The following SCN8A variants were observed in gnomAD, a reference collection of about 807,000 sequenced individuals.
The protein encoded by SCN8A is sodium channel protein type 8 subunit alpha.
A neutral mutation model predicts 184.1 loss-of-function variants in SCN8A; 30 were observed. The observed-to-expected ratio is 0.16, with a 90% CI of 0.12 to 0.22. The LOEUF (loss-of-function observed/expected upper bound fraction) is 0.22, where lower values mean the gene tolerates loss of function less well. Among genes scored for constraint, SCN8A ranks in the 10% least tolerant of loss-of-function variants. The pLI is 1.00. For synonymous variants in SCN8A, 852 were observed against 907.0 expected (o/e 0.94, Z 1.09); for missense variants, 1,057 against 2,498.9 (o/e 0.42, Z 12.30).
In SCN8A at chr12:51,807,248, C is replaced by A; in HGVS notation, c.5762C>A (p.Thr1921Asn). 1 of 1,613,956 alleles carries A rather than the reference C, an allele frequency of 6.2e-7. No homozygotes were observed. Among genetic ancestry groups the A allele is most frequent in the Non-Finnish European group, 8.5e-7 (1 of 1,179,896 alleles). Residue 1921 changes from threonine to asparagine, a missense_variant, in exon 27 of 27, where the codon ACT (threonine) becomes AAT (asparagine). Coordinates refer to ENST00000627620, the MANE Select transcript of SCN8A (RefSeq NM_001330260.2). The surrounding 1 kb of genome is among the most constrained non-coding windows in gnomAD (Gnocchi z 4.5). ...ARRGFICKKT[T>N]SNKLENGGTH... ...CGGGGCTTCATCTGCAAAAAGACAA[C>A]TTCTAATAAGCTGGAGAATGGAGGC...
At chr12:51,634,383 C>T (rs1365504950) in intron 1 of SCN8A, among the ~76,000 whole-genome samples, 2 of 152,018 alleles carry the variant, frequency 1.3e-5, no homozygotes, top group Non-Finnish European at 2.9e-5. Flanking sequence ...TATACAGGGG[C>T]GTCCATTGTG....
intron 6 of SCN8A, among the ~76,000 whole-genome samples, chr12:51,691,768 ATC>A (rs1418107882): frequency 2.0e-5 from 3 of 152,290 alleles, no homozygotes; most frequent in African/African-American, 7.2e-5. Context: ...CTCAGTCTCA[ATC>A]TTTTTGCTCC....
chr12:51,748,466 G>A (rs1427315686), intron 13 of SCN8A, among the ~76,000 whole-genome samples: 1 of 152,074 alleles, frequency 6.6e-6, no homozygotes, highest in East Asian at 1.9e-4. Flanking sequence ...TAAGCTTTGG[G>A]GATATTTCAG....
chr12:51,604,513 A>G (rs1490345233), intron 1 of SCN8A, among the ~76,000 whole-genome samples: 1 of 150,846 alleles, frequency 6.6e-6, no homozygotes, highest in Non-Finnish European at 1.5e-5. Flanking sequence ...TGTTTTTTTA[A>G]CGGGTTTTTG....
chr12:51,606,167 G>T (rs1010476397), intron 1 of SCN8A, among the ~76,000 whole-genome samples: 1 of 152,118 alleles, frequency 6.6e-6, no homozygotes, highest in Non-Finnish European at 1.5e-5. Flanking sequence ...CCTTGCCTAA[G>T]CCAATGTCTA....
chr12:51,804,994 G>A (rs953601463), intron 26 of SCN8A, among the ~76,000 whole-genome samples: 1 of 152,156 alleles, frequency 6.6e-6, no homozygotes, highest in Non-Finnish European at 1.5e-5. Context: ...GGATAATGAG[G>A]TTATGAGGTG....
intron 1 of SCN8A, among the ~76,000 whole-genome samples, chr12:51,645,283 A>G (rs1940552924): frequency 6.9e-6 from 1 of 145,244 alleles, no homozygotes; most frequent in Admixed American, 6.8e-5. Context: ...CCTACTGGGA[A>G]GTGAGGAGCC....
chr12:51,708,906 A>G (rs1941826948), intron 11 of SCN8A, among the ~76,000 whole-genome samples: 1 of 152,190 alleles, frequency 6.6e-6, no homozygotes, highest in Non-Finnish European at 1.5e-5. Flanking sequence ...AGGTGATTAA[A>G]ACATCATCCC....
intron 1 of SCN8A, among the ~76,000 whole-genome samples, chr12:51,616,518 A>C (rs558756708): frequency 6.6e-6 from 1 of 151,730 alleles, no homozygotes; most frequent in East Asian, 1.9e-4. Flanking sequence ...AGGTTGAGGC[A>C]GGAGAATCAT....
intron 2 of SCN8A, among the ~76,000 whole-genome samples, chr12:51,663,822 T>G (rs1355052939): frequency 1.3e-5 from 2 of 150,576 alleles, no homozygotes; most frequent in Non-Finnish European, 3.0e-5. Context: ...AAACAAAGCC[T>G]CCTGGGTGAT....
chr12:51,737,454 T>G (rs569251865), intron 12 of SCN8A, among the ~76,000 whole-genome samples: 24 of 152,336 alleles, frequency 1.6e-4, no homozygotes, highest in African/African-American at 5.1e-4. Flanking sequence ...CTAGTGAGAC[T>G]AGGATTTCCT....
intron 12 of SCN8A, among the ~76,000 whole-genome samples, chr12:51,725,129 C>T (rs1241424327): frequency 6.6e-6 from 1 of 152,180 alleles, no homozygotes; most frequent in African/African-American, 2.4e-5. Flanking sequence ...AAGACCATAT[C>T]ATTCCCAAGG....
At chr12:51,731,193 A>G (rs1190026686) in intron 12 of SCN8A, among the ~76,000 whole-genome samples, 6 of 152,156 alleles carry the variant, frequency 3.9e-5, no homozygotes, top group Non-Finnish European at 8.8e-5. Context: ...CACATAGTGC[A>G]GATAGTGCAG....
intron 1 of SCN8A, among the ~76,000 whole-genome samples, chr12:51,595,218 C>G (rs980362481): frequency 6.6e-6 from 1 of 152,024 alleles, no homozygotes; most frequent in South Asian, 2.1e-4. Context: ...ATTAAGGTGT[C>G]GAAGGAAACA....
chr12:51,599,625 A>C (rs1046915311), intron 1 of SCN8A, among the ~76,000 whole-genome samples: 3 of 152,206 alleles, frequency 2.0e-5, no homozygotes, highest in South Asian at 2.1e-4. Context: ...ACAGATGATC[A>C]AAGCTATACT....
chr12:51,697,935 A>AC (rs915606332), intron 6 of SCN8A, among the ~76,000 whole-genome samples: 1 of 152,166 alleles, frequency 6.6e-6, no homozygotes, highest in South Asian at 2.1e-4. Flanking sequence ...TGGAACCTCC[A>AC]CCCCCGCACC....
At chr12:51,733,261 C>T (rs1053076539) in intron 12 of SCN8A, among the ~76,000 whole-genome samples, 2 of 151,974 alleles carry the variant, frequency 1.3e-5, no homozygotes, top group African/African-American at 2.4e-5. Context: ...TTTTTAACCA[C>T]GAAGGGTGTT....
chr12:51,603,330 ATGT>A (rs1386849588), intron 1 of SCN8A, among the ~76,000 whole-genome samples: 31 of 152,264 alleles, frequency 2.0e-4, no homozygotes, highest in African/African-American at 6.7e-4. Flanking sequence ...AGATTTAACC[ATGT>A]TGTTGTATTT....
rs1938882579 is a variant in SCN8A at position 51,811,190 on chromosome 12, T to G, written c.*3761T>G. ...GTCTGGGAATTGGGACCTTAGCACA[T>G]TTGGGGAAAGGAGGGGAATAGAGGG... On this transcript the variant is annotated 3_prime_UTR_variant, in exon 27 of 27. Coordinates refer to ENST00000627620, the MANE Select transcript of SCN8A (RefSeq NM_001330260.2). 6.6e-6 allele frequency: 1 copy of G among 151,996 alleles called. No homozygotes were observed. The highest frequency in any genetic ancestry group is 2.4e-5 in the African/African-American group (1 of 41,346). The allele number at this position is 151,996 out of a possible 1,614,324, so 9.4% of individuals were successfully genotyped here. A position where few individuals can be genotyped will look rare whatever the true frequency, so the allele number is the denominator to read the frequency against.
Sources: allele counts gnomAD v4.1 joint callset (sites outside exome capture counted in the v4.1 genomes callset), GRCh38; gene constraint gnomAD v4.1.1; non-coding constraint Gnocchi (gnomAD v3.1); transcripts MANE v1.5; gene names NCBI Gene and HGNC (gene_info 2026-07-23, HGNC 2026-07-21).